The following HERC1 variants were observed in gnomAD, a reference collection of about 807,000 sequenced individuals.
HERC1 encodes the protein HECT and RLD domain containing E3 ubiquitin protein ligase family member 1.
Under a neutral mutation model 554.3 loss-of-function variants are expected in HERC1, and 160 were observed. That is an observed-to-expected ratio of 0.29 (90% confidence interval 0.25 to 0.33). The LOEUF (loss-of-function observed/expected upper bound fraction) is 0.33, where lower values mean the gene tolerates loss of function less well. HERC1 is among the 10% of genes least tolerant of loss of function. The pLI is 1.00. For missense variants in HERC1, 4,919 were observed against 5,918.5 expected (o/e 0.83, Z 5.54); for synonymous variants, 2,175 against 2,131.7 (o/e 1.02, Z -0.56).
chr15:63,795,087 A>G (rs1016200486), intron 1 of HERC1, among the ~76,000 whole-genome samples: 1 of 150,664 alleles, frequency 6.6e-6, no homozygotes, highest in Non-Finnish European at 1.5e-5. Flanking sequence ...AAAAAAAAAA[A>G]GTAAAGGAAT....
At chr15:63,658,487 C>A (rs2070172399) in intron 48 of HERC1, 57 bp downstream of exon 48, 16 of 1,476,428 alleles carry the variant, frequency 1.1e-5, no homozygotes, top group Non-Finnish European at 1.4e-5. Context: ...CACCAGACTT[C>A]CAGCTAATGT....
In HERC1 at chr15:63,718,407, A is replaced by T; in HGVS notation, c.3978+167T>A. On this transcript the variant is annotated intron_variant, in intron 21 of 77. Transcript: ENST00000443617. This position sits in a 1 kb window ranked among gnomAD's most constrained non-coding sequence, Gnocchi z 4.2. Reference sequence around the variant, plus strand: ...ACACTTGGTAAATGTGAGGTTAAGTAAATCTCAAATCTTTTCCTTTTTTTT... The same window carrying T: ...ACACTTGGTAAATGTGAGGTTAAGTTAATCTCAAATCTTTTCCTTTTTTTT... 1 of 614,036 alleles carries T rather than the reference A, an allele frequency of 1.6e-6. No individual in the cohort carries two copies. The highest frequency in any genetic ancestry group is 2.6e-6 in the Non-Finnish European group (1 of 384,024). The allele number at this position is 614,036 out of a possible 1,614,324, so 38.0% of individuals were successfully genotyped here. A position where few individuals can be genotyped will look rare whatever the true frequency, so the allele number is the denominator to read the frequency against.
In HERC1 at chr15:63,734,521, A is replaced by C; in HGVS notation, c.2646+203T>G. The C allele has an allele frequency of 2.7e-6, 1 of 369,860 alleles. No homozygotes were observed. Among genetic ancestry groups the C allele is most frequent in the Admixed American group, 4.3e-5 (1 of 23,170 alleles). 22.9% of individuals were successfully genotyped at this position (369,860 alleles called of 1,614,324 possible). A position where few individuals can be genotyped will look rare whatever the true frequency, so the allele number is the denominator to read the frequency against. On this transcript the variant is annotated intron_variant, in intron 13 of 77. Coordinates refer to ENST00000443617, the MANE Select transcript of HERC1 (RefSeq NM_003922.4). The surrounding 1 kb of genome is among the most constrained non-coding windows in gnomAD (Gnocchi z 4.6). ...ACTGGAAAAATTAGTCCTTATTTTA[A>C]TAATTAGCCCCAAATAACTTAATAA...
chr15:63,636,996 A>G (rs1595868604), intron 64 of HERC1: 1 of 379,984 alleles, frequency 2.6e-6, no homozygotes, highest in East Asian at 7.3e-5. Context: ...ACCTAAAAAA[A>G]CCGTCGGTGC....
intron 12 of HERC1, among the ~76,000 whole-genome samples, chr15:63,739,561 G>A (rs1042153127): frequency 1.3e-5 from 2 of 151,976 alleles, no homozygotes; most frequent in South Asian, 2.1e-4. Flanking sequence ...TATACAGGCC[G>A]AGCGCGGTGG....
In HERC1 at chr15:63,612,696, G is replaced by A. The variant is rs911297936; in HGVS notation, c.14095-140C>T. On this transcript the variant is annotated intron_variant, in intron 76 of 77. Coordinates refer to ENST00000443617, the MANE Select transcript of HERC1 (RefSeq NM_003922.4). The surrounding 1 kb of genome is among the most constrained non-coding windows in gnomAD (Gnocchi z 5.0). ...ACTTGTTTCTCAGACCGCCAGGCAC[G>A]AGAGTCAGTCAAAAAGGCCCACCCT... 2.1e-5 allele frequency: 16 copies of A among 767,662 alleles called. No homozygotes were observed. The highest frequency in any genetic ancestry group is 3.5e-5 in the African/African-American group (2 of 56,906). The allele number at this position is 767,662 out of a possible 1,614,324, so 47.6% of individuals were successfully genotyped here.
Position 63,656,262 on chromosome 15 carries a change from T to C in HERC1, c.9696A>G (p.Arg3232=). 1 of 1,613,870 alleles carries C rather than the reference T, an allele frequency of 6.2e-7. No individual in the cohort carries two copies. Among genetic ancestry groups the C allele is most frequent in the South Asian group, 1.1e-5 (1 of 91,062 alleles). The change falls in exon 49 of 78, where the codon AGA becomes AGG. Residue 3232 remains arginine (R), a synonymous_variant. Coordinates refer to ENST00000443617, the MANE Select transcript of HERC1 (RefSeq NM_003922.4). ...VRLMCLAAAG[R]AGLSTSPSAM... Reference sequence around the variant, plus strand: ...CAGAAGGGCTGGTGGAGAGGCCAGCTCTCCCTGCTGCTGCCAAGCACATTA... The same window carrying C: ...CAGAAGGGCTGGTGGAGAGGCCAGCCCTCCCTGCTGCTGCCAAGCACATTA...
chr15:63,824,577 G>A (rs746090803), intron 1 of HERC1, among the ~76,000 whole-genome samples: 9 of 150,816 alleles, frequency 6.0e-5, no homozygotes, highest in Non-Finnish European at 8.9e-5. Context: ...ATATGATCCA[G>A]CAATCTCTCT....
Position 63,690,613 on chromosome 15 carries a change from G to C in HERC1, c.5865C>G (p.Leu1955=). 6.2e-7 allele frequency: 1 copy of C among 1,612,930 alleles called. No homozygotes were observed. Among genetic ancestry groups the C allele is most frequent in the Non-Finnish European group, 8.5e-7 (1 of 1,179,088 alleles). ...IPLVGNLRTR[L]LALHVLEAVL... is the part of the protein sequence containing the mutation. ...CAGCTTCAAGGACATGAAGTGCAAG[G>C]AGCCTTGTTCTTAAGTTACCAACCA... The change falls in exon 32 of 78, where the codon CTC becomes CTG. Residue 1955 remains leucine, a synonymous_variant. Coordinates refer to ENST00000443617, the MANE Select transcript of HERC1 (RefSeq NM_003922.4).
intron 24 of HERC1, among the ~76,000 whole-genome samples, chr15:63,710,203 T>C (rs1338203800): frequency 6.6e-6 from 1 of 152,190 alleles, no homozygotes; most frequent in Non-Finnish European, 1.5e-5. Flanking sequence ...GGACTAGCCA[T>C]CTCTCTGCAG....
Position 63,640,374 on chromosome 15 carries a change from T to A in HERC1, c.11679A>T (p.Gly3893=). 6.2e-7 allele frequency: 1 copy of A among 1,613,782 alleles called. No individual in the cohort carries two copies. The highest frequency in any genetic ancestry group is 8.5e-7 in the Non-Finnish European group (1 of 1,179,782). The change falls in exon 61 of 78, where the codon GGA becomes GGT. Residue 3893 remains glycine, a synonymous_variant. Coordinates refer to ENST00000443617, the MANE Select transcript of HERC1 (RefSeq NM_003922.4). ...YMQCLASLAV[G]LHLDQLLCNP... ...TACACAACAGCTGATCCAGATGAAG[T>A]CCCACAGCAAGGGAAGCCAAGCATT...
At position 63,658,599 on chromosome 15, in the gene HERC1, G is replaced by C; in HGVS notation, c.9544C>G (p.Gln3182Glu). 8.7e-6 allele frequency: 14 copies of C among 1,613,922 alleles called. No individual in the cohort carries two copies. The highest frequency in any genetic ancestry group is 1.2e-5 in the Non-Finnish European group (14 of 1,179,806). Residue 3182 changes from glutamine to glutamate, a missense_variant, in exon 48 of 78, where the codon CAG becomes GAG. Physicochemically the swap from Gln to Glu is conservative, Grantham distance 29. Around this residue, in one of 11 missense-constraint regions of HERC1, gnomAD observed 1,963 missense variants for 2,228.6 expected, o/e 0.88. Transcript: ENST00000443617. ...VALRRVTAAA[Q>E]VLLARTMVMR... ...ACCATGGTTCTGGCCAGAAGAACCTGAGCAGCAGCAGTCACTCTCCTTAAA... is the reference window on the plus strand; with the variant it reads ...ACCATGGTTCTGGCCAGAAGAACCTCAGCAGCAGCAGTCACTCTCCTTAAA...
intron 54 of HERC1, 138 bp from the exon 55 acceptor site, chr15:63,648,337 G>T: frequency 1.2e-6 from 1 of 825,458 alleles, no homozygotes; most frequent in Non-Finnish European, 1.8e-6. Flanking sequence ...AATGCATTTA[G>T]ACAAAATGTA....
In HERC1 at chr15:63,718,873, T is replaced by C. The variant is rs1322610457; in HGVS notation, c.3767A>G (p.Asn1256Ser). 2.5e-6 allele frequency: 4 copies of C among 1,611,036 alleles called. No homozygotes were observed. Among genetic ancestry groups the C allele is most frequent in the South Asian group, 2.2e-5 (2 of 90,852 alleles). The change falls in exon 20 of 78, where the codon AAT becomes AGT. Residue 1256 changes from asparagine (N) to serine (S), a missense_variant. Physicochemically the swap from Asn to Ser is conservative, Grantham distance 46. Coordinates refer to ENST00000443617, the MANE Select transcript of HERC1 (RefSeq NM_003922.4). This position sits in a 1 kb window ranked among gnomAD's most constrained non-coding sequence, Gnocchi z 4.2. ...AGACACAGTGTCCAAGAGTGACTCA[T>C]TACTTAAAGTTGCACTGTCCCAATC... is the stretch of plus-strand genomic sequence containing the variant. ...SKDWDSATLSNESLLDTVSRF... is the reference protein window; with the variant it reads ...SKDWDSATLSSESLLDTVSRF...
chr15:63,658,653 G>C lies in HERC1; in HGVS notation c.9490C>G (p.Leu3164Val), dbSNP rs1232096913. The change falls in exon 48 of 78, where the codon CTA (leucine) becomes GTA (valine). Residue 3164 changes from leucine (L) to valine (V), a missense_variant. Transcript: ENST00000443617. ...ACCACACGGTCATGAGGGTTTGCTAGGGCAGCTGCCTGCTCTCCTAACGTT... is the reference window on the plus strand; with the variant it reads ...ACCACACGGTCATGAGGGTTTGCTACGGCAGCTGCCTGCTCTCCTAACGTT... ...RITLGEQAAA[L>V]ANPHDRVVAL... The C allele has an allele frequency of 4.3e-6, 7 of 1,613,750 alleles. No homozygotes were observed. The highest frequency in any genetic ancestry group is 5.9e-6 in the Non-Finnish European group (7 of 1,179,796).
At chr15:63,611,925 C>G (rs1447780932) in intron 77 of HERC1, among the ~76,000 whole-genome samples, 1 of 152,232 alleles carries the variant, frequency 6.6e-6, no homozygotes, top group Admixed American at 6.5e-5. Flanking sequence ...TGGCTCACGC[C>G]TGTAATCCCA....
intron 40 of HERC1, among the ~76,000 whole-genome samples, chr15:63,667,369 AAGTT>A (rs1054723011): frequency 4.6e-5 from 7 of 152,200 alleles, no homozygotes; most frequent in African/African-American, 1.7e-4. Context: ...TGTATTCAGT[AAGTT>A]AGAGGAAAGA....
chr15:63,743,989 G>T (rs1206849647), intron 12 of HERC1, among the ~76,000 whole-genome samples: 1 of 122,502 alleles, frequency 8.2e-6, no homozygotes, highest in Non-Finnish European at 1.8e-5. Flanking sequence ...CTGTATCTAC[G>T]TTGTGGTTCT....
intron 1 of HERC1, among the ~76,000 whole-genome samples, chr15:63,833,048 G>A (rs969595691): frequency 3.9e-5 from 6 of 152,028 alleles, no homozygotes; most frequent in African/African-American, 1.2e-4. Flanking sequence ...TAACCTCCTG[G>A]GAGAGGTGGT....
Sources: allele counts gnomAD v4.1 joint callset (sites outside exome capture counted in the v4.1 genomes callset), GRCh38; gene constraint gnomAD v4.1.1; regional missense constraint gnomAD v4.1.1; non-coding constraint Gnocchi (gnomAD v3.1); transcripts MANE v1.5; gene names NCBI Gene and HGNC (gene_info 2026-07-23, HGNC 2026-07-21).